Variants in CACNA2D3 observed in about 807,000 individuals in gnomAD.
CACNA2D3 encodes the protein calcium voltage-gated channel auxiliary subunit alpha2delta 3, also known as voltage-dependent calcium channel subunit alpha-2/delta-3.
In CACNA2D3, 60 loss-of-function variants were observed where a neutral mutation model predicts 160.6. That is an observed-to-expected ratio of 0.37 (90% CI 0.30 to 0.46). The LOEUF is 0.46. CACNA2D3 is among the 20% of genes least tolerant of loss of function. The pLI, the probability that CACNA2D3 is intolerant of heterozygous loss-of-function variation, is 1.00. For synonymous variants in CACNA2D3, 558 were observed against 492.9 expected (o/e 1.13, Z -1.75); for missense variants, 1,205 against 1,365.0 (o/e 0.88, Z 1.85).
At chr3:54,357,751 A>G (rs551994072) in intron 3 of CACNA2D3, among the ~76,000 whole-genome samples, 40 of 152,356 alleles carry the variant, frequency 2.6e-4, no homozygotes, top group South Asian at 1.0e-3. Context: ...GAAATGGCCT[A>G]TCAAACTATG....
chr3:54,410,411 AG>A (rs1699646999), intron 4 of CACNA2D3, among the ~76,000 whole-genome samples: 1 of 152,216 alleles, frequency 6.6e-6, no homozygotes, highest in South Asian at 2.1e-4. Flanking sequence ...AGAGCTTCAA[AG>A]CTCGGGCTGA....
chr3:54,198,648 A>G (rs1322740480), intron 2 of CACNA2D3, among the ~76,000 whole-genome samples: 1 of 152,222 alleles, frequency 6.6e-6, no homozygotes, highest in Non-Finnish European at 1.5e-5. Flanking sequence ...AAAGGAAGAC[A>G]CTCAGCTTGG....
intron 2 of CACNA2D3, among the ~76,000 whole-genome samples, chr3:54,147,711 T>C (rs1378652051): frequency 6.6e-6 from 1 of 152,142 alleles, no homozygotes; most frequent in Non-Finnish European, 1.5e-5. Flanking sequence ...TGGTAAGCCC[T>C]GTATTACTGT....
At chr3:54,774,925 C>T (rs976221745) in intron 13 of CACNA2D3, among the ~76,000 whole-genome samples, 5 of 152,136 alleles carry the variant, frequency 3.3e-5, no homozygotes, top group African/African-American at 1.2e-4. Context: ...TGAGCCACCA[C>T]GCCCGGCCAC....
At chr3:54,283,828 C>T (rs527502225) in intron 2 of CACNA2D3, among the ~76,000 whole-genome samples, 4 of 152,064 alleles carry the variant, frequency 2.6e-5, no homozygotes, top group Middle Eastern at 3.4e-3. Flanking sequence ...TTTGGGAGGC[C>T]GAGGCAGGTG....
intron 4 of CACNA2D3, among the ~76,000 whole-genome samples, chr3:54,461,022 T>G (rs1423928415): frequency 4.5e-4 from 68 of 152,248 alleles, no homozygotes; most frequent in African/African-American, 1.5e-3. Flanking sequence ...TTTCTGCATC[T>G]ATTGAGATAA....
intron 35 of CACNA2D3, among the ~76,000 whole-genome samples, chr3:55,034,465 T>C (rs1703769860): frequency 6.6e-6 from 1 of 152,038 alleles, no homozygotes; most frequent in East Asian, 1.9e-4. Context: ...GTAAGAAAAT[T>C]AACCATTTTT....
At chr3:54,855,084 C>T (rs1699139304) in intron 17 of CACNA2D3, among the ~76,000 whole-genome samples, 1 of 152,204 alleles carries the variant, frequency 6.6e-6, no homozygotes, top group Admixed American at 6.5e-5. Context: ...CTGTCAGCCT[C>T]TCCAGACAGC....
In CACNA2D3 at chr3:54,580,205, C is replaced by T. The variant is rs139958613; in HGVS notation, c.889-1598C>T. 7.6e-3 allele frequency among the ~76,000 whole-genome samples: 1,154 copies of T among 152,086 alleles called. 7 individuals carry two copies. The highest frequency in any genetic ancestry group is 9.2e-3 in the Non-Finnish European group (624 of 67,962). ...TGCTTGCCAAACGGTGCTAAGATAA[C>T]GTGCAGATGAAGTTTCCCTGCTGCC... is the stretch of plus-strand genomic sequence containing the variant. On this transcript the variant is annotated intron_variant, in intron 8 of 37. Transcript: ENST00000474759.
chr3:54,923,729 G>A lies in CACNA2D3; in HGVS notation c.2449+23861G>A, dbSNP rs1700921843. Among the ~76,000 whole-genome samples, 4 of 152,140 alleles carry A rather than the reference G, an allele frequency of 2.6e-5. No individual in the cohort carries two copies. In the South Asian group the frequency reaches 8.3e-4, roughly 31 times the overall value. ...TGTGAAGTGGAGGAAAGAATGTCGGGTCAAGACCCAAAAGCCATGCCTTCT... is the reference window on the plus strand; with the variant it reads ...TGTGAAGTGGAGGAAAGAATGTCGGATCAAGACCCAAAAGCCATGCCTTCT... On this transcript the variant is annotated intron_variant, in intron 27 of 37. Transcript: ENST00000474759.
intron 17 of CACNA2D3, among the ~76,000 whole-genome samples, chr3:54,866,976 TA>T: frequency 6.6e-6 from 1 of 152,214 alleles, no homozygotes; most frequent in Non-Finnish European, 1.5e-5. Context: ...ATTTTTTTCG[TA>T]AAACAGGCAC....
At chr3:54,380,311 G>C (rs1227654308) in intron 3 of CACNA2D3, among the ~76,000 whole-genome samples, 1 of 152,186 alleles carries the variant, frequency 6.6e-6, no homozygotes, top group Non-Finnish European at 1.5e-5. Context: ...AGAGGACTTA[G>C]ATCTCCTCTG....
chr3:54,309,174 G>A (rs1488722688), intron 2 of CACNA2D3, among the ~76,000 whole-genome samples: 2 of 152,218 alleles, frequency 1.3e-5, no homozygotes, highest in Non-Finnish European at 2.9e-5. Context: ...TTTAAAATAA[G>A]CATTGAGACT....
chr3:54,440,855 A>G (rs992437976), intron 4 of CACNA2D3, among the ~76,000 whole-genome samples: 1 of 152,168 alleles, frequency 6.6e-6, no homozygotes, highest in Non-Finnish European at 1.5e-5. Flanking sequence ...CATGGTGTAT[A>G]TGTGCCACAT....
At chr3:54,605,502 A>G (rs1299539925) in intron 9 of CACNA2D3, among the ~76,000 whole-genome samples, 2 of 152,162 alleles carry the variant, frequency 1.3e-5, no homozygotes, top group African/African-American at 2.4e-5. Flanking sequence ...TACCACTCTT[A>G]GTGGGACCAC....
intron 29 of CACNA2D3, among the ~76,000 whole-genome samples, chr3:54,971,023 A>G (rs1002142857): frequency 6.6e-6 from 1 of 152,166 alleles, no homozygotes; most frequent in African/African-American, 2.4e-5. Context: ...TATAAAAGGA[A>G]GTCCAGGATG....
intron 29 of CACNA2D3, among the ~76,000 whole-genome samples, chr3:54,980,619 A>T (rs1702485674): frequency 6.6e-6 from 1 of 152,174 alleles, no homozygotes; most frequent in African/African-American, 2.4e-5. Context: ...TAAGTAAGGG[A>T]TTTTAATTAT....
chr3:54,778,544 C>A (rs1702467000), intron 13 of CACNA2D3, among the ~76,000 whole-genome samples: 1 of 152,160 alleles, frequency 6.6e-6, no homozygotes, highest in South Asian at 2.1e-4. Flanking sequence ...CATTGATGGC[C>A]TGTTTCCAAA....
At position 55,009,440 on chromosome 3, in the gene CACNA2D3, A is replaced by C. The variant is rs780456770; in HGVS notation, c.2872A>C (p.Lys958Gln). 3.1e-6 allele frequency: 5 copies of C among 1,613,732 alleles called. No individual in the cohort carries two copies. Among genetic ancestry groups the C allele is most frequent in the Non-Finnish European group, 2.5e-6 (3 of 1,179,626 alleles). Residue 958 changes from lysine to glutamine, a missense_variant, in exon 34 of 38, where the codon AAA becomes CAA. Physicochemically the swap from Lys to Gln is moderately conservative, Grantham distance 53. Coordinates refer to ENST00000474759, the MANE Select transcript of CACNA2D3 (RefSeq NM_018398.3). ...CSWWHSDMTA[K>Q]AQKLKQTLEP... ...TTGGTGGCACTCCGATATGACAGCTAAAGGTGAGCAGCAACTGGTTTCTGT... is the reference window on the plus strand; with the variant it reads ...TTGGTGGCACTCCGATATGACAGCTCAAGGTGAGCAGCAACTGGTTTCTGT...
Sources: gnomAD v4.1 joint callset for allele counts (sites outside exome capture counted in the v4.1 genomes callset) on GRCh38, gnomAD v4.1.1 for gene constraint, MANE v1.5 for transcripts, NCBI Gene and HGNC (gene_info 2026-07-23, HGNC 2026-07-21) for gene names.